LTBP1: variants seen among roughly 807,000 people sequenced by gnomAD.
LTBP1 encodes latent transforming growth factor beta binding protein 1.
LTBP1 carries 129 observed loss-of-function variants against 207.6 expected under a neutral mutation model. The ratio of observed to expected loss-of-function variants is 0.62; its 90% CI spans 0.54 to 0.72. The LOEUF is 0.72. Among genes scored for constraint, LTBP1 ranks in the 30% least tolerant of loss-of-function variants. LTBP1 has a pLI of 0.00. For synonymous variants in LTBP1, 963 were observed against 833.7 expected, an observed-to-expected ratio of 1.16 and a Z score of -2.67; for missense variants, 2,281 against 2,217.2, an observed-to-expected ratio of 1.03 and a Z score of -0.58.
intron 26 of LTBP1, among the ~76,000 whole-genome samples, chr2:33,354,976 A>G (rs536906061): frequency 7.4e-4 from 112 of 152,238 alleles, no homozygotes; most frequent in African/African-American, 2.6e-3. Flanking sequence ...TATCTTCTTA[A>G]TACTACAAGA....
At chr2:33,053,508 T>G (rs1241202178) in intron 3 of LTBP1, among the ~76,000 whole-genome samples, 1 of 152,136 alleles carries the variant, frequency 6.6e-6, no homozygotes, top group Non-Finnish European at 1.5e-5. Flanking sequence ...CCTCGCTCGC[T>G]CTCGGTGCTT....
intron 3 of LTBP1, among the ~76,000 whole-genome samples, chr2:33,050,875 A>G (rs1386222806): frequency 2.0e-5 from 3 of 152,026 alleles, no homozygotes; most frequent in Non-Finnish European, 2.9e-5. Flanking sequence ...CTGGGATTAC[A>G]GGCGGGCATC....
At chr2:33,238,523 T>G (rs2092160567) in intron 9 of LTBP1, among the ~76,000 whole-genome samples, 1 of 152,208 alleles carries the variant, frequency 6.6e-6, no homozygotes, top group African/African-American at 2.4e-5. Flanking sequence ...CAGAGAATAT[T>G]TAAACTACAA....
At chr2:33,176,505 G>A (rs578185825) in intron 5 of LTBP1, among the ~76,000 whole-genome samples, 3 of 151,920 alleles carry the variant, frequency 2.0e-5, no homozygotes, top group African/African-American at 4.9e-5. Flanking sequence ...GATTACAGTC[G>A]TGAGCCACCA....
chr2:33,379,695 A>G (rs1002926622), intron 31 of LTBP1, among the ~76,000 whole-genome samples: 1 of 152,224 alleles, frequency 6.6e-6, no homozygotes, highest in Non-Finnish European at 1.5e-5. Flanking sequence ...CAGAATCAGG[A>G]TTTCAAGATA....
At chr2:33,118,446 G>C (rs1001554408) in intron 4 of LTBP1, among the ~76,000 whole-genome samples, 1 of 152,194 alleles carries the variant, frequency 6.6e-6, no homozygotes. Flanking sequence ...TAAGCTCCTT[G>C]TCCCATGCTC....
intron 11 of LTBP1, among the ~76,000 whole-genome samples, chr2:33,254,745 G>A (rs62148879): frequency 1.1e-4 from 4 of 34,938 alleles, no homozygotes; most frequent in East Asian, 7.0e-4. Context: ...TATCCCTCCC[G>A]CCTCCCCCCA....
chr2:33,188,409 C>A (rs2087444598), intron 6 of LTBP1, among the ~76,000 whole-genome samples, 168 bp from the exon 7 acceptor site: 2 of 100,314 alleles, frequency 2.0e-5, no homozygotes, highest in Admixed American at 1.5e-4. Flanking sequence ...CCTGGGTGAC[C>A]AGAGCGAAAC....
At chr2:32,980,478 A>G (rs377654420) in intron 2 of LTBP1, among the ~76,000 whole-genome samples, 2 of 152,184 alleles carry the variant, frequency 1.3e-5, no homozygotes, top group African/African-American at 4.8e-5. Flanking sequence ...GCAAGTAAAA[A>G]GAAAGCTAAT....
At chr2:32,987,393 G>A (rs2148811399) in intron 2 of LTBP1, among the ~76,000 whole-genome samples, 1 of 152,208 alleles carries the variant, frequency 6.6e-6, no homozygotes, top group South Asian at 2.1e-4. Context: ...CATGTATTGA[G>A]GGGGTTGCAT....
At chr2:33,144,825 G>A (rs2082888586) in intron 5 of LTBP1, among the ~76,000 whole-genome samples, 1 of 152,162 alleles carries the variant, frequency 6.6e-6, no homozygotes. Flanking sequence ...GTATATGGGT[G>A]TATGTAAATA....
At chr2:33,318,004 A>T (rs2094297207) in intron 24 of LTBP1, 1 of 152,062 alleles carries the variant, frequency 6.6e-6, no homozygotes, top group Non-Finnish European at 1.5e-5. Context: ...AATCTAAAGC[A>T]CTCCACATTC....
At chr2:33,386,284 C>G (rs532636965) in intron 31 of LTBP1, among the ~76,000 whole-genome samples, 1 of 152,322 alleles carries the variant, frequency 6.6e-6, no homozygotes, top group East Asian at 1.9e-4. Flanking sequence ...TGCCCTTCCT[C>G]TTCACCCTCA....
At chr2:33,397,679 T>G (rs1355775867) in intron 33 of LTBP1, among the ~76,000 whole-genome samples, 5 of 119,576 alleles carry the variant, frequency 4.2e-5, no homozygotes, top group Non-Finnish European at 7.3e-5. Flanking sequence ...GGCTAATTTT[T>G]TTTTTTTTTT....
At chr2:33,071,580 G>A (rs1487333166) in intron 3 of LTBP1, among the ~76,000 whole-genome samples, 2 of 152,092 alleles carry the variant, frequency 1.3e-5, no homozygotes, top group African/African-American at 4.8e-5. Context: ...GAATCAGAAG[G>A]GTGTGGTCCA....
At chr2:33,284,169 T>C (rs534566436) in intron 19 of LTBP1, among the ~76,000 whole-genome samples, 81 of 152,370 alleles carry the variant, frequency 5.3e-4, no homozygotes, top group African/African-American at 1.8e-3. Context: ...AGCTGGATCT[T>C]ACTGATTGAT....
At chr2:33,366,119 C>T (rs2094984079) in intron 31 of LTBP1, among the ~76,000 whole-genome samples, 1 of 152,164 alleles carries the variant, frequency 6.6e-6, no homozygotes, top group Non-Finnish European at 1.5e-5. Context: ...TTGGAGGAGG[C>T]CTGGAAGGTG....
intron 9 of LTBP1, among the ~76,000 whole-genome samples, chr2:33,224,530 T>C (rs750069502): frequency 2.6e-4 from 39 of 152,312 alleles, no homozygotes; most frequent in African/African-American, 8.7e-4. Context: ...CTTACGTATT[T>C]AGCGTAATTC....
chr2:33,242,266 T>C (rs1413017605), intron 9 of LTBP1, among the ~76,000 whole-genome samples: 1 of 152,248 alleles, frequency 6.6e-6, no homozygotes, highest in Non-Finnish European at 1.5e-5. Flanking sequence ...GCTACCATTG[T>C]ATCCAACTTT....
Sources: allele counts gnomAD v4.1 joint callset (sites outside exome capture counted in the v4.1 genomes callset), GRCh38; gene constraint gnomAD v4.1.1; transcripts MANE v1.5; gene names NCBI Gene and HGNC (gene_info 2026-07-23, HGNC 2026-07-21).